BPIFA1: variants seen among roughly 807,000 people sequenced by gnomAD.
The protein encoded by BPIFA1 is BPI fold containing family A member 1.
BPIFA1 carries 24 observed loss-of-function variants against 25.1 expected under a neutral mutation model. That is an observed-to-expected ratio of 0.96 (90% CI 0.69 to 1.35). The LOEUF is 1.35. Among genes scored for constraint, BPIFA1 ranks in the 40% most tolerant of loss-of-function variants. The pLI, the probability that BPIFA1 is intolerant of heterozygous loss-of-function variation, is 0.00. For missense variants in BPIFA1, 344 were observed against 303.7 expected, an observed-to-expected ratio of 1.13 and a Z score of -0.99; for synonymous variants, 139 against 131.8, an observed-to-expected ratio of 1.05 and a Z score of -0.37.
At chr20:33,240,534 G>GGATA in intron 5 of BPIFA1, 149 bp downstream of exon 5, 1 of 499,622 alleles carries the variant, frequency 2.0e-6, no homozygotes, top group Non-Finnish European at 3.4e-6. Flanking sequence ...GTGGAAAGAT[G>GGATA]GATGGATGGA....
chr20:33,237,803 C>T lies in BPIFA1; in HGVS notation c.92C>T (p.Thr31Ile). 1 of 1,603,726 alleles carries T rather than the reference C, an allele frequency of 6.2e-7. No individual in the cohort carries two copies. The highest frequency in any genetic ancestry group is 8.5e-7 in the Non-Finnish European group (1 of 1,174,828). ...GGCCTGCCCGTGCCCCTGGACCAGA[C>T]CCTGCCCTTGAATGTGAATCCAGCC... ...FGGLPVPLDQ[T>I]LPLNVNPALP... Residue 31 changes from threonine (T) to isoleucine (I), a missense_variant, in exon 2 of 9, where the codon ACC becomes ATC. Transcript: ENST00000354297.
At chr20:33,242,004 C>T in intron 6 of BPIFA1, 52 bp from the exon 7 acceptor site, 1 of 1,530,862 alleles carries the variant, frequency 6.5e-7, no homozygotes, top group Non-Finnish European at 9.1e-7. Flanking sequence ...ACTAGGGATT[C>T]TGCTGCTCCA....
At chr20:33,240,159 T>C in intron 4 of BPIFA1, 74 bp from the exon 5 acceptor site, 1 of 1,574,818 alleles carries the variant, frequency 6.3e-7, no homozygotes, top group Non-Finnish European at 8.6e-7. Flanking sequence ...GCTAGCATTC[T>C]TGGCAAGGAG....
chr20:33,241,345 T>C lies in BPIFA1; in HGVS notation c.582-40T>C, dbSNP rs541306814. 4 of 1,562,204 alleles carry C rather than the reference T, an allele frequency of 2.6e-6. No homozygotes were observed. The South Asian group carries it at 4.4e-5, about 17-fold the overall frequency. On this transcript the variant is annotated intron_variant, in intron 5 of 8. Transcript: ENST00000354297. ...CCCCTCTGGAGACTTCTCCACACCA[T>C]CTCCAGGTCCCTGCATCACCCATGA...
chr20:33,242,798 C>T (rs760374427), intron 8 of BPIFA1, among the ~76,000 whole-genome samples: 28 of 152,312 alleles, frequency 1.8e-4, no homozygotes, highest in Middle Eastern at 3.4e-3. Context: ...CACATGGCCA[C>T]TGATACAGAT....
rs200411187 is a variant in BPIFA1 at position 33,238,158 on chromosome 20, T to C, written c.264T>C (p.Leu88=). 16 of 1,613,898 alleles carry C rather than the reference T, an allele frequency of 9.9e-6. No individual in the cohort carries two copies. In the African/African-American group the frequency reaches 1.9e-4, roughly 19 times the overall value. ...KPGGGTSGGL[L]GGLLGKVTSV... is the part of the protein sequence containing the mutation. ...GAGGAGGTACTTCTGGTGGCCTCCTTGGGGGACTGCTTGGAAAAGTGACGT... is the reference window on the plus strand; with the variant it reads ...GAGGAGGTACTTCTGGTGGCCTCCTCGGGGGACTGCTTGGAAAAGTGACGT... Residue 88 remains leucine, a synonymous_variant, in exon 3 of 9, where the codon CTT becomes CTC. Coordinates refer to ENST00000354297, the MANE Select transcript of BPIFA1 (RefSeq NM_130852.3).
At position 33,239,911 on chromosome 20, in the gene BPIFA1, G is replaced by A. The variant is rs180752131; in HGVS notation, c.428+1G>A. 9.9e-6 allele frequency: 16 copies of A among 1,612,570 alleles called. No individual in the cohort carries two copies. In the Admixed American group the frequency reaches 1.5e-4, roughly 15 times the overall value. On this transcript the variant is annotated splice_donor_variant, in intron 4 of 8. Coordinates refer to ENST00000354297, the MANE Select transcript of BPIFA1 (RefSeq NM_130852.3). LOFTEE classifies it high-confidence loss of function. ...TCGGCATAAAGCTCCAAGTGAATAC[G>A]TGAGTGGGTCCCAAGAGGGGGTGAG... is the stretch of plus-strand genomic sequence containing the variant.
At chr20:33,237,612 C>A (rs1978738399) in intron 1 of BPIFA1, 85 bp from the exon 2 acceptor site, 10 of 1,192,078 alleles carry the variant, frequency 8.4e-6, no homozygotes, top group Non-Finnish European at 1.1e-5. Flanking sequence ...GAGCAAACAA[C>A]CCCACCCCCC....
chr20:33,240,412 G>A lies in BPIFA1; in HGVS notation c.581+27G>A, dbSNP rs1177293737. On this transcript the variant is annotated intron_variant, in intron 5 of 8. Transcript: ENST00000354297. The stretch of plus-strand genomic sequence containing the variant: ...TGAGGCCAGAGGAGCAGCTTATCCT[G>A]CCCAGAGATGACAGGGTGTGATGCC... 4.3e-6 allele frequency: 7 copies of A among 1,611,414 alleles called. No individual in the cohort carries two copies. In the South Asian group the frequency reaches 7.7e-5, roughly 18 times the overall value.
chr20:33,237,797 A>C lies in BPIFA1; in HGVS notation c.86A>C (p.Asp29Ala). The C allele has an allele frequency of 6.2e-7, 1 of 1,603,144 alleles. No individual in the cohort carries two copies. The highest frequency in any genetic ancestry group is 8.5e-7 in the Non-Finnish European group (1 of 1,174,486). Residue 29 changes from aspartate (D) to alanine (A), a missense_variant, in exon 2 of 9, where the codon GAC (aspartate) becomes GCC (alanine). Asp to Ala is a moderately radical substitution (Grantham distance 126). Coordinates refer to ENST00000354297, the MANE Select transcript of BPIFA1 (RefSeq NM_130852.3). ...AQFGGLPVPL[D>A]QTLPLNVNPA... ...TTTGGAGGCCTGCCCGTGCCCCTGGACCAGACCCTGCCCTTGAATGTGAAT... is the reference window on the plus strand; with the variant it reads ...TTTGGAGGCCTGCCCGTGCCCCTGGCCCAGACCCTGCCCTTGAATGTGAAT...
At chr20:33,242,624 C>T in intron 8 of BPIFA1, 63 bp downstream of exon 8, 3 of 1,209,310 alleles carry the variant, frequency 2.5e-6, no homozygotes, top group Non-Finnish European at 3.7e-6. Flanking sequence ...TGGTAGAAGG[C>T]AGACGGGAGC....
At chr20:33,242,423 T>C in intron 7 of BPIFA1, 64 bp from the exon 8 acceptor site, 3 of 1,579,580 alleles carry the variant, frequency 1.9e-6, no homozygotes, top group Admixed American at 1.7e-5. Flanking sequence ...TTGAGGAATA[T>C]GGACTCCTTC....
rs1272330083 is a variant in BPIFA1 at position 33,241,455 on chromosome 20, T to G, written c.652T>G (p.Leu218Val). ...GATCTTGAATAAAGTCCTGCCTGAG[T>G]TGGTTCAGGGCAACGTAAGTAGGCA... ...TGILNKVLPE[L>V]VQGNVCPLVN... The change falls in exon 6 of 9, where the codon TTG (leucine) becomes GTG (valine). Residue 218 changes from leucine (L) to valine (V), a missense_variant. Physicochemically the swap from Leu to Val is conservative, Grantham distance 32. Transcript: ENST00000354297. The G allele has an allele frequency of 6.2e-7, 1 of 1,613,926 alleles. No homozygotes were observed. Among genetic ancestry groups the G allele is most frequent in the East Asian group, 2.2e-5 (1 of 44,880 alleles).
chr20:33,242,931 CA>C (rs1276275685), intron 8 of BPIFA1, among the ~76,000 whole-genome samples, 175 bp from the exon 9 acceptor site: 2 of 152,200 alleles, frequency 1.3e-5, no homozygotes, highest in Non-Finnish European at 2.9e-5. Flanking sequence ...ACTCACCACA[CA>C]TAAGTACACG....
intron 4 of BPIFA1, 134 bp from the exon 5 acceptor site, chr20:33,240,099 T>C (rs1422542156): frequency 1.4e-6 from 2 of 1,446,264 alleles, no homozygotes; most frequent in Admixed American, 4.0e-5. Flanking sequence ...TTGTTTCTCC[T>C]GCTAGAAAAT....
intron 6 of BPIFA1, 117 bp downstream of exon 6, chr20:33,241,586 T>A: frequency 1.2e-6 from 1 of 859,988 alleles, no homozygotes; most frequent in Non-Finnish European, 2.0e-6. Flanking sequence ...CTTCCATTCA[T>A]CAATCTATTT....
chr20:33,239,848 G>GA lies in BPIFA1; in HGVS notation c.367dup (p.Ser123LysfsTer3), dbSNP rs1365690419. 7.7e-5 allele frequency: 125 copies of GA among 1,614,080 alleles called. No individual in the cohort carries two copies. Among genetic ancestry groups the GA allele is most frequent in the Non-Finnish European group, 1.0e-4 (122 of 1,180,034 alleles). ...AGCTGCTGGAACTTGGCCTTGTGCA[G>GA]AGCCCTGATGGCCACCGTCTCTATG... On this transcript the variant is annotated frameshift_variant, in exon 4 of 9. Transcript: ENST00000354297. LOFTEE classifies it high-confidence loss of function.
At chr20:33,240,059 C>G in intron 4 of BPIFA1, 149 bp downstream of exon 4, 1 of 1,360,846 alleles carries the variant, frequency 7.3e-7, no homozygotes, top group South Asian at 1.3e-5. Context: ...CCTTGGGTCA[C>G]TTGGGAAACT....
At chr20:33,239,707 C>T (rs1288129590) in intron 3 of BPIFA1, 96 bp from the exon 4 acceptor site, 50 of 1,236,316 alleles carry the variant, frequency 4.0e-5, no homozygotes, top group Non-Finnish European at 5.9e-5. Context: ...GTGGGAAGCT[C>T]TACCTCTGGG....
Sources: gnomAD v4.1 joint callset for allele counts (sites outside exome capture counted in the v4.1 genomes callset) on GRCh38, gnomAD v4.1.1 for gene constraint, MANE v1.5 for transcripts, NCBI Gene and HGNC (gene_info 2026-07-23, HGNC 2026-07-21) for gene names.